The following WDR44 variants were observed in gnomAD, a reference collection of about 807,000 sequenced individuals.
WDR44 encodes WD repeat domain 44.
WDR44 carries 9 observed loss-of-function variants against 65.7 expected under a neutral mutation model. The ratio of observed to expected loss-of-function variants is 0.14; its 90% CI spans 0.08 to 0.24. The LOEUF is 0.24. Ranked by LOEUF, WDR44 falls within the 10% of genes least tolerant of loss-of-function variation. The pLI, the probability that WDR44 is intolerant of heterozygous loss-of-function variation, is 1.00. For synonymous variants in WDR44, 220 were observed against 235.2 expected (o/e 0.94, Z 0.59); for missense variants, 425 against 670.9 (o/e 0.63, Z 4.05).
In WDR44 at chrX:118,391,842, G is replaced by A. The variant is rs189620058; in HGVS notation, c.187-790G>A. ...CTACTAAAAATACAAAAATTATCCC[G>A]GCGTGGAGCACCTGTAATCTCAGCT... On this transcript the variant is annotated intron_variant, in intron 3 of 19. Transcript: ENST00000254029. 6.3e-3 allele frequency among the ~76,000 whole-genome samples: 696 copies of A among 110,986 alleles called. 4 individuals carry two copies. The highest frequency in any genetic ancestry group is 0.021 in the African/African-American group (636 of 30,457).
intron 12 of WDR44, among the ~76,000 whole-genome samples, chrX:118,426,790 A>T (rs2057161116): frequency 8.9e-6 from 1 of 111,830 alleles, no homozygotes; most frequent in Non-Finnish European, 1.9e-5. Flanking sequence ...AGGAATAATC[A>T]AGAAAAAATA....
At chrX:118,369,950 A>G (rs1479792207) in intron 1 of WDR44, among the ~76,000 whole-genome samples, 1 of 112,249 alleles carries the variant, frequency 8.9e-6, no homozygotes, top group Non-Finnish European at 1.9e-5. Flanking sequence ...ATCAGTACTT[A>G]TTTGAATCAG....
chrX:118,423,328 C>T (rs1026728996), intron 12 of WDR44, among the ~76,000 whole-genome samples: 1 of 110,730 alleles, frequency 9.0e-6, no homozygotes, highest in South Asian at 3.9e-4. Context: ...ACCACCACTC[C>T]CAGCTAATTT....
rs773744351 is a variant in WDR44 at position 118,377,514 on chromosome X, T to TA, written c.78-897dup. Among the ~76,000 whole-genome samples the TA allele has an allele frequency of 9.9e-5, 11 of 111,066 alleles. No individual in the cohort carries two copies. In the East Asian group the frequency reaches 1.4e-3, roughly 14 times the overall value. ...GATATACTTTTGCCTGTCAACTTGG[T>TA]AAAAAAAAGTTTAAAATAACACTTA... On this transcript the variant is annotated intron_variant, in intron 1 of 19. Transcript: ENST00000254029.
At chrX:118,386,345 T>A in intron 2 of WDR44, 1 of 356,756 alleles carries the variant, frequency 2.8e-6, no homozygotes, top group Non-Finnish European at 5.4e-6. Flanking sequence ...TATATGATTG[T>A]CTTATTTTAC....
chrX:118,422,498 CT>C (rs932961794), intron 12 of WDR44, among the ~76,000 whole-genome samples: 2 of 110,597 alleles, frequency 1.8e-5, no homozygotes, highest in African/African-American at 6.6e-5. Context: ...TCAAGACCAG[CT>C]TGGCCAACAT....
At chrX:118,429,336 C>G (rs2057186431) in intron 12 of WDR44, among the ~76,000 whole-genome samples, 1 of 111,287 alleles carries the variant, frequency 9.0e-6, no homozygotes. Flanking sequence ...CGCCTGTAAT[C>G]CCAGCACTTT....
intron 2 of WDR44, among the ~76,000 whole-genome samples, chrX:118,384,934 T>C (rs1340004761): frequency 8.9e-6 from 1 of 111,752 alleles, no homozygotes; most frequent in African/African-American, 3.3e-5. Context: ...CAATTGCAAA[T>C]GATGGGAGTT....
chrX:118,431,536 C>G (rs948358364), intron 12 of WDR44, among the ~76,000 whole-genome samples: 4 of 111,607 alleles, frequency 3.6e-5, no homozygotes, highest in Non-Finnish European at 7.5e-5. Flanking sequence ...CTACCGACCT[C>G]AGGTGATCTG....
At chrX:118,400,666 TTTTG>T (rs200867824) in intron 8 of WDR44, among the ~76,000 whole-genome samples, 14,448 of 88,210 alleles carry the variant, frequency 0.16, 1,109 homozygotes, top group African/African-American at 0.47. Flanking sequence ...CAGAAATCAG[TTTTG>T]TTTTTTTTTT....
At chrX:118,354,307 A>G (rs2056440122) in intron 1 of WDR44, among the ~76,000 whole-genome samples, 1 of 109,737 alleles carries the variant, frequency 9.1e-6, no homozygotes, top group Non-Finnish European at 1.9e-5. Context: ...AGTTCTAGCT[A>G]TTTGGGAGAT....
intron 14 of WDR44, among the ~76,000 whole-genome samples, chrX:118,441,167 C>T (rs1292487496): frequency 9.1e-6 from 1 of 110,032 alleles, no homozygotes; most frequent in Non-Finnish European, 1.9e-5. Context: ...ACCATATTGG[C>T]CAGGATAGTG....
chrX:118,442,946 A>G (rs1021700521), intron 17 of WDR44, among the ~76,000 whole-genome samples: 8 of 111,464 alleles, frequency 7.2e-5, no homozygotes, highest in East Asian at 2.8e-4. Context: ...GAAGACTCTC[A>G]TCTCTAGAGT....
chrX:118,372,115 C>T (rs763991942), intron 1 of WDR44, among the ~76,000 whole-genome samples: 1 of 107,239 alleles, frequency 9.3e-6, no homozygotes, highest in East Asian at 2.9e-4. Flanking sequence ...TGATTATATC[C>T]GTGTTTTATA....
chrX:118,442,622 C>G lies in WDR44; in HGVS notation c.2326C>G (p.Leu776Val). Residue 776 changes from leucine to valine, a missense_variant, in exon 17 of 20, where the codon CTA becomes GTA. Leu to Val is a conservative substitution (Grantham distance 32, BLOSUM62 1). Transcript: ENST00000254029. Reference protein sequence around the residue: ...IRLYDLRDLSLSMKYKGYVNS... With the variant: ...IRLYDLRDLSVSMKYKGYVNS... ...ACTATATGATTTGAGAGATTTGTCA[C>G]TATCCATGAAGTATAAGGGTTACGT... is the stretch of plus-strand genomic sequence containing the variant. The G allele has an allele frequency of 8.3e-7, 1 of 1,211,512 alleles. No individual in the cohort carries two copies.
At chrX:118,370,832 C>G (rs1256881352) in intron 1 of WDR44, among the ~76,000 whole-genome samples, 1 of 109,931 alleles carries the variant, frequency 9.1e-6, no homozygotes, top group African/African-American at 3.3e-5. Flanking sequence ...TCCACCCGCC[C>G]CATCCTCCCA....
chrX:118,351,960 AATTTAT>A (rs1156468809), intron 1 of WDR44, among the ~76,000 whole-genome samples: 2 of 108,294 alleles, frequency 1.8e-5, no homozygotes, highest in African/African-American at 6.8e-5. Context: ...ATAAATAAAC[AATTTAT>A]ATTTAGTGAC....
intron 1 of WDR44, among the ~76,000 whole-genome samples, chrX:118,371,873 T>C (rs947153142): frequency 6.3e-5 from 7 of 111,395 alleles, no homozygotes; most frequent in Non-Finnish European, 9.4e-5. Context: ...TTATTTTATG[T>C]AGACATTTGA....
At chrX:118,372,433 A>G (rs1188586412) in intron 1 of WDR44, among the ~76,000 whole-genome samples, 1 of 111,959 alleles carries the variant, frequency 8.9e-6, no homozygotes, top group African/African-American at 3.2e-5. Flanking sequence ...CTTTGACATT[A>G]GAGACTTATT....
Sources: allele counts gnomAD v4.1 joint callset (sites outside exome capture counted in the v4.1 genomes callset), GRCh38; gene constraint gnomAD v4.1.1; transcripts MANE v1.5; gene names NCBI Gene and HGNC (gene_info 2026-07-23, HGNC 2026-07-21).